Variants in DAPK1 observed in about 807,000 individuals in gnomAD.
DAPK1 encodes the protein death associated protein kinase 1, also known as death-associated protein kinase 1.
Under a neutral mutation model 144.9 loss-of-function variants are expected in DAPK1, and 56 were observed. The observed-to-expected ratio is 0.39, with a 90% CI of 0.31 to 0.48. The LOEUF (loss-of-function observed/expected upper bound fraction) is 0.48. Ranked by LOEUF, DAPK1 falls within the 20% of genes least tolerant of loss-of-function variation. The pLI, the probability that DAPK1 is intolerant of heterozygous loss-of-function variation, is 0.95. For missense variants in DAPK1, 1,454 were observed against 1,875.4 expected (o/e 0.78, Z 4.15); for synonymous variants, 690 against 749.0 (o/e 0.92, Z 1.29).
intron 16 of DAPK1, among the ~76,000 whole-genome samples, chr9:87,651,107 C>T (rs1448425748): frequency 2.0e-5 from 3 of 152,190 alleles, no homozygotes; most frequent in Admixed American, 6.5e-5. Context: ...AGTTATTTCA[C>T]AATACTTTCA....
At chr9:87,645,826 CT>C in intron 11 of DAPK1, 68 bp from the exon 12 acceptor site, 1 of 1,583,668 alleles carries the variant, frequency 6.3e-7, no homozygotes, top group East Asian at 2.2e-5. Flanking sequence ...GCACAGGTTT[CT>C]TTTATGTTGG....
Position 87,571,478 on chromosome 9 carries a change from CA to C in DAPK1, c.63-33475del, listed in dbSNP as rs1564000907. ...ACACACACACACACACACACACCAA[CA>C]CACACACACACACACCCCAACACAC... On this transcript the variant is annotated intron_variant, in intron 2 of 25. Coordinates refer to ENST00000408954, the MANE Select transcript of DAPK1 (RefSeq NM_004938.4). Among the ~76,000 whole-genome samples the C allele has an allele frequency of 1.3e-3, 69 of 54,160 alleles. 12 individuals carry two copies. The highest frequency in any genetic ancestry group is 5.7e-3 in the African/African-American group (64 of 11,236). 35.5% of individuals were successfully genotyped at this position (54,160 alleles called of 152,430 possible).
At chr9:87,610,140 G>A (rs1364680786) in intron 3 of DAPK1, among the ~76,000 whole-genome samples, 1 of 152,152 alleles carries the variant, frequency 6.6e-6, no homozygotes, top group East Asian at 1.9e-4. Flanking sequence ...CCTGAAAGTC[G>A]CTTTAAAGGC....
intron 2 of DAPK1, among the ~76,000 whole-genome samples, chr9:87,511,943 C>A (rs554633018): frequency 6.6e-6 from 1 of 152,258 alleles, no homozygotes; most frequent in East Asian, 1.9e-4. Context: ...AACTCCTGAC[C>A]TTAGGTGATC....
At chr9:87,498,511 G>A (rs1427470802) in intron 1 of DAPK1, 1 of 242,558 alleles carries the variant, frequency 4.1e-6, no homozygotes, top group Admixed American at 5.5e-5. Flanking sequence ...CACGGTGTTA[G>A]GAGAGGCGCG....
intron 2 of DAPK1, among the ~76,000 whole-genome samples, chr9:87,595,746 C>T (rs1198488180): frequency 6.6e-6 from 1 of 152,176 alleles, no homozygotes; most frequent in Non-Finnish European, 1.5e-5. Context: ...CTCCTTGGCC[C>T]ATTGCGCTGT....
chr9:87,643,347 CTTTTTTTTTT>C lies in DAPK1; in HGVS notation c.919-19_919-10del. ...CCTGCCTTTTTCCTCCCCGCCCTCC[CTTTTTTTTTT>C]TTTTTTTTTAAAAAAAAGCAATCCG... On this transcript the variant is annotated intron_variant, in intron 10 of 25. Coordinates refer to ENST00000408954, the MANE Select transcript of DAPK1 (RefSeq NM_004938.4). 1 of 1,001,886 alleles carries C rather than the reference CTTTTTTTTTT, an allele frequency of 1.0e-6. No homozygotes were observed. The highest frequency in any genetic ancestry group is 1.7e-5 in the South Asian group (1 of 58,518). The allele number at this position is 1,001,886 out of a possible 1,614,324, so 62.1% of individuals were successfully genotyped here. A position where few individuals can be genotyped will look rare whatever the true frequency, so the allele number is the denominator to read the frequency against.
chr9:87,704,625 T>A (rs1825570534), intron 25 of DAPK1, among the ~76,000 whole-genome samples: 1 of 152,246 alleles, frequency 6.6e-6, no homozygotes. Context: ...TGGGACAGTT[T>A]CGTCTTTCCT....
intron 3 of DAPK1, among the ~76,000 whole-genome samples, chr9:87,611,084 G>GAGA (rs924517597): frequency 3.3e-4 from 51 of 152,260 alleles, no homozygotes; most frequent in African/African-American, 1.2e-3. Flanking sequence ...ACTACTATAG[G>GAGA]AGAAGTAACA....
At chr9:87,604,881 C>T in intron 2 of DAPK1, 73 bp from the exon 3 acceptor site, 1 of 1,401,516 alleles carries the variant, frequency 7.1e-7, no homozygotes, top group Non-Finnish European at 9.9e-7. Context: ...TCCCCCTCTG[C>T]ACCATGCCAC....
At chr9:87,670,571 G>A (rs749439606) in intron 19 of DAPK1, among the ~76,000 whole-genome samples, 2 of 152,108 alleles carry the variant, frequency 1.3e-5, no homozygotes, top group African/African-American at 2.4e-5. Flanking sequence ...CACACAGAGA[G>A]GCTGCAAACC....
At chr9:87,654,024 A>G (rs1830548385) in intron 17 of DAPK1, among the ~76,000 whole-genome samples, 1 of 152,154 alleles carries the variant, frequency 6.6e-6, no homozygotes, top group African/African-American at 2.4e-5. Context: ...TTCCGCATTG[A>G]GAGTTTTATG....
chr9:87,537,132 G>T (rs972319422), intron 2 of DAPK1, among the ~76,000 whole-genome samples: 2 of 151,978 alleles, frequency 1.3e-5, no homozygotes, highest in African/African-American at 4.8e-5. Flanking sequence ...GATTACAGGC[G>T]CCTGCCACCA....
chr9:87,643,347 C>CTT (rs10650070), intron 10 of DAPK1, 29 bp from the exon 11 acceptor site: 119,805 of 981,342 alleles, frequency 0.12, 3,338 homozygotes, highest in African/African-American at 0.3. Flanking sequence ...CCCGCCCTCC[C>CTT]TTTTTTTTTT....
chr9:87,561,917 G>C (rs1233593265), intron 2 of DAPK1, among the ~76,000 whole-genome samples: 1 of 152,138 alleles, frequency 6.6e-6, no homozygotes, highest in Non-Finnish European at 1.5e-5. Context: ...GAAGGGAAGG[G>C]AAGCAAAAGG....
intron 3 of DAPK1, among the ~76,000 whole-genome samples, chr9:87,620,820 C>T (rs569215232): frequency 6.6e-6 from 1 of 152,154 alleles, no homozygotes; most frequent in Non-Finnish European, 1.5e-5. Context: ...GCTTGGTTTA[C>T]TCTGGCCGCC....
chr9:87,515,815 G>A (rs559765534), intron 2 of DAPK1, among the ~76,000 whole-genome samples: 47 of 152,220 alleles, frequency 3.1e-4, no homozygotes, highest in South Asian at 1.5e-3. Flanking sequence ...CAGGAGCTGC[G>A]GGGCAAGTAG....
intron 2 of DAPK1, among the ~76,000 whole-genome samples, chr9:87,501,255 C>A (rs189658617): frequency 5.6e-4 from 85 of 152,322 alleles, no homozygotes; most frequent in African/African-American, 1.9e-3. Context: ...CGAGGTGGCT[C>A]ACACCTGTAA....
chr9:87,554,757 C>A (rs7025907), intron 2 of DAPK1, among the ~76,000 whole-genome samples: 80,409 of 152,046 alleles, frequency 0.53, 23,598 homozygotes, highest in African/African-American at 0.77. Flanking sequence ...ACTGCTCTGG[C>A]GGGAGGGAGG....
Sources: gnomAD v4.1 joint callset for allele counts (sites outside exome capture counted in the v4.1 genomes callset) on GRCh38, gnomAD v4.1.1 for gene constraint, MANE v1.5 for transcripts, NCBI Gene and HGNC (gene_info 2026-07-23, HGNC 2026-07-21) for gene names.